The following ATG10 variants were observed in gnomAD, a reference collection of about 807,000 sequenced individuals.
ATG10 encodes the protein autophagy related 10.
A neutral mutation model predicts 32.1 loss-of-function variants in ATG10; 30 were observed. That is an observed-to-expected ratio of 0.94 (90% CI 0.70 to 1.27). The LOEUF is 1.27. Among genes scored for constraint, ATG10 ranks in the 50% most tolerant of loss-of-function variants. The pLI is 0.00. For missense variants in ATG10, 233 were observed against 262.3 expected (o/e 0.89, Z 0.77); for synonymous variants, 87 against 91.5 (o/e 0.95, Z 0.28).
chr5:82,188,204 C>A (rs1159449219), intron 5 of ATG10, among the ~76,000 whole-genome samples: 1 of 152,136 alleles, frequency 6.6e-6, no homozygotes, highest in Non-Finnish European at 1.5e-5. Flanking sequence ...GGTCTTATTA[C>A]TTCTTTAAGT....
chr5:82,216,936 T>C (rs961129480), intron 5 of ATG10, among the ~76,000 whole-genome samples: 1 of 151,966 alleles, frequency 6.6e-6, no homozygotes, highest in Non-Finnish European at 1.5e-5. Flanking sequence ...GTGCCTGTAG[T>C]CCCAGCTACT....
At chr5:82,066,746 T>C (rs1763955973) in intron 3 of ATG10, among the ~76,000 whole-genome samples, 1 of 152,150 alleles carries the variant, frequency 6.6e-6, no homozygotes, top group Non-Finnish European at 1.5e-5. Context: ...AGGATTTTAT[T>C]AGGTGGCTTC....
Position 81,993,360 on chromosome 5 carries a change from C to CTTTCTTTCCTTCTTTCTT in ATG10, c.108+5684_108+5685insTCTTTCCTTCTTTCTTTT. ...CCTTCTTTCTTTCTTTCTTTCTTTC[C>CTTTCTTTCCTTCTTTCTT]TTCTTTTCTTTTCTTTTCTTTTCTT... On this transcript the variant is annotated intron_variant, in intron 2 of 7. Coordinates refer to ENST00000282185, the MANE Select transcript of ATG10 (RefSeq NM_031482.5). Among the ~76,000 whole-genome samples the CTTTCTTTCCTTCTTTCTT allele has an allele frequency of 8.1e-4, 38 of 46,770 alleles. 1 individual carries two copies. The highest frequency in any genetic ancestry group is 1.1e-3 in the Admixed American group (4 of 3,766). The allele number at this position is 46,770 out of a possible 152,430, so 30.7% of individuals were successfully genotyped here. A position where few individuals can be genotyped will look rare whatever the true frequency, so the allele number is the denominator to read the frequency against.
intron 3 of ATG10, among the ~76,000 whole-genome samples, chr5:82,145,892 A>G (rs1259554676): frequency 6.6e-6 from 1 of 152,002 alleles, no homozygotes; most frequent in Non-Finnish European, 1.5e-5. Context: ...TTTTTGGTAG[A>G]GATGGGGTTT....
rs151071153 is a variant in ATG10 at position 82,042,482 on chromosome 5, C to T, written c.109-16013C>T. Among the ~76,000 whole-genome samples the T allele has an allele frequency of 4.8e-4, 73 of 152,226 alleles. 1 individual carries two copies. In the East Asian group the frequency reaches 0.012, roughly 24 times the overall value. On this transcript the variant is annotated intron_variant, in intron 2 of 7. Coordinates refer to ENST00000282185, the MANE Select transcript of ATG10 (RefSeq NM_031482.5). Reference sequence around the variant, plus strand: ...CAAATCTCATGTCCTTCTCACATTGCAAAATACCATTATCTCTTTTCAACA... The same window carrying T: ...CAAATCTCATGTCCTTCTCACATTGTAAAATACCATTATCTCTTTTCAACA...
chr5:82,176,002 A>T (rs534352324), intron 4 of ATG10, among the ~76,000 whole-genome samples: 5 of 152,316 alleles, frequency 3.3e-5, no homozygotes, highest in African/African-American at 1.2e-4. Flanking sequence ...GGCATATAGT[A>T]GGTGCCCAAT....
At chr5:82,038,557 G>A (rs1763000061) in intron 2 of ATG10, among the ~76,000 whole-genome samples, 1 of 152,128 alleles carries the variant, frequency 6.6e-6, no homozygotes, top group Non-Finnish European at 1.5e-5. Flanking sequence ...AAAGGTTTTG[G>A]AATGGTGCTC....
chr5:82,102,179 G>GA (rs1478978385), intron 3 of ATG10, among the ~76,000 whole-genome samples: 12 of 152,194 alleles, frequency 7.9e-5, no homozygotes, highest in African/African-American at 2.9e-4. Flanking sequence ...TGTGGCACAT[G>GA]AAATGTATAG....
At chr5:81,982,665 C>CT (rs1314471520) in intron 1 of ATG10, among the ~76,000 whole-genome samples, 3 of 151,866 alleles carry the variant, frequency 2.0e-5, no homozygotes, top group Non-Finnish European at 4.4e-5. Flanking sequence ...AGCAGATAAA[C>CT]AAGTGAACAA....
chr5:81,976,663 T>C (rs948269096), intron 1 of ATG10, among the ~76,000 whole-genome samples: 1 of 152,220 alleles, frequency 6.6e-6, no homozygotes, highest in African/African-American at 2.4e-5. Context: ...TTCAAAAGCC[T>C]TCTAACTGTG....
At chr5:82,125,080 A>G (rs1224621175) in intron 3 of ATG10, among the ~76,000 whole-genome samples, 1 of 152,150 alleles carries the variant, frequency 6.6e-6, no homozygotes, top group African/African-American at 2.4e-5. Flanking sequence ...TAGCTGCATA[A>G]ATGTGTTCTT....
chr5:82,110,643 G>T (rs1765588401), intron 3 of ATG10, among the ~76,000 whole-genome samples: 1 of 151,922 alleles, frequency 6.6e-6, no homozygotes, highest in African/African-American at 2.4e-5. Flanking sequence ...TTTTTGATGG[G>T]GTTGTTTGTT....
chr5:82,085,141 A>G (rs1247165662), intron 3 of ATG10, among the ~76,000 whole-genome samples: 1 of 152,154 alleles, frequency 6.6e-6, no homozygotes. Flanking sequence ...AGGCAGATCT[A>G]CCAAGCAAAT....
chr5:82,137,472 G>A (rs1226253544), intron 3 of ATG10, among the ~76,000 whole-genome samples: 6 of 152,144 alleles, frequency 3.9e-5, no homozygotes, highest in African/African-American at 7.2e-5. Context: ...AGTCAAGCCC[G>A]TCTGCTGTAG....
intron 2 of ATG10, among the ~76,000 whole-genome samples, chr5:82,024,609 G>T (rs990890112): frequency 6.6e-6 from 1 of 152,104 alleles, no homozygotes; most frequent in African/African-American, 2.4e-5. Context: ...AAAGCATTTG[G>T]TCTAGGATAA....
chr5:82,199,398 TC>T (rs1310762535), intron 5 of ATG10, among the ~76,000 whole-genome samples: 10 of 152,202 alleles, frequency 6.6e-5, no homozygotes, highest in African/African-American at 2.4e-4. Context: ...TTAATAAATT[TC>T]CCAAGTCTTG....
chr5:82,001,968 G>A (rs1305760184), intron 2 of ATG10, among the ~76,000 whole-genome samples: 2 of 152,112 alleles, frequency 1.3e-5, no homozygotes, highest in African/African-American at 4.8e-5. Flanking sequence ...TTAAAAAGTA[G>A]GCAAAGGACA....
chr5:82,156,858 GC>G (rs1271236417), intron 3 of ATG10, among the ~76,000 whole-genome samples: 2 of 152,174 alleles, frequency 1.3e-5, no homozygotes, highest in African/African-American at 4.8e-5. Context: ...ATTTCCTCCT[GC>G]CAAAGAACCT....
At chr5:82,132,696 A>G (rs1215025382) in intron 3 of ATG10, among the ~76,000 whole-genome samples, 1 of 152,060 alleles carries the variant, frequency 6.6e-6, no homozygotes, top group African/African-American at 2.4e-5. Context: ...GCTATTGTGA[A>G]AAGTGCTGCA....
Sources: allele counts gnomAD v4.1 joint callset (sites outside exome capture counted in the v4.1 genomes callset), GRCh38; gene constraint gnomAD v4.1.1; transcripts MANE v1.5; gene names NCBI Gene and HGNC (gene_info 2026-07-23, HGNC 2026-07-21).